The following NAA16 variants were observed in gnomAD, a reference collection of about 807,000 sequenced individuals.
NAA16 encodes the protein N-alpha-acetyltransferase 16, NatA auxiliary subunit, also known as NARG1-like protein.
Under a neutral mutation model 110.3 loss-of-function variants are expected in NAA16, and 97 were observed. The observed-to-expected ratio is 0.88, with a 90% CI of 0.75 to 1.04. The LOEUF is 1.04. Ranked by LOEUF, NAA16 falls within the 50% of genes least tolerant of loss-of-function variation. The probability of loss-of-function intolerance (pLI) is 0.00; values close to 1 mark genes in which losing one functional copy is unlikely to be tolerated. For missense variants in NAA16, 1,017 were observed against 1,005.1 expected (o/e 1.01, Z -0.16); for synonymous variants, 372 against 330.6 (o/e 1.13, Z -1.36).
Position 41,367,667 on chromosome 13 carries a change from A to G in NAA16, c.1753+15A>G, listed in dbSNP as rs1290291264. The G allele has an allele frequency of 6.5e-7, 1 of 1,547,956 alleles. No homozygotes were observed. The highest frequency in any genetic ancestry group is 1.2e-5 in the South Asian group (1 of 85,504). ...AATAAACTCAGGTAACTGAATAGGA[A>G]CTTAAAAGATTTTAAAAGGACACTA... On this transcript the variant is annotated intron_variant, in intron 14 of 19. Transcript: ENST00000379406.
chr13:41,353,121 A>AAACAG (rs2042883153), intron 9 of NAA16, among the ~76,000 whole-genome samples: 1 of 151,564 alleles, frequency 6.6e-6, no homozygotes, highest in Non-Finnish European at 1.5e-5. Flanking sequence ...TCTCAAAACA[A>AAACAG]AACAAAACAA....
chr13:41,319,863 AT>A (rs371132882), intron 3 of NAA16, among the ~76,000 whole-genome samples: 9,229 of 138,486 alleles, frequency 0.067, 311 homozygotes, highest in Non-Finnish European at 0.081. Flanking sequence ...ATTGATTTTC[AT>A]TTTTTTTTTT....
rs546395765 is a variant in NAA16, at chr13:41,311,323, G to A, written c.-206G>A. 3.5e-6 allele frequency: 2 copies of A among 569,356 alleles called. No individual in the cohort carries two copies. Among genetic ancestry groups the A allele is most frequent in the African/African-American group, 4.0e-5 (2 of 50,286 alleles). 35.3% of individuals were successfully genotyped at this position (569,356 alleles called of 1,614,324 possible). On this transcript the variant is annotated 5_prime_UTR_variant, in exon 1 of 20. Coordinates refer to ENST00000379406, the MANE Select transcript of NAA16 (RefSeq NM_024561.5). ...GGCCAAAAAGCGGAGCCCAGGGGAA[G>A]CGTGTCCTGCTCAGACCGCCTTCCT...
At chr13:41,331,420 ATG>A (rs769507806) in intron 8 of NAA16, 51 bp downstream of exon 8, 1 of 1,271,736 alleles carries the variant, frequency 7.9e-7, no homozygotes, top group South Asian at 1.4e-5. Flanking sequence ...GAATTACTCA[ATG>A]TTATTTATAT....
intron 9 of NAA16, among the ~76,000 whole-genome samples, chr13:41,346,825 C>G (rs1566275928): frequency 6.6e-6 from 1 of 152,096 alleles, no homozygotes; most frequent in Non-Finnish European, 1.5e-5. Flanking sequence ...TAGAAAGGTT[C>G]TTTAACATGT....
At chr13:41,342,893 G>C (rs1488442174) in intron 9 of NAA16, among the ~76,000 whole-genome samples, 1 of 152,108 alleles carries the variant, frequency 6.6e-6, no homozygotes, top group African/African-American at 2.4e-5. Context: ...TCTTCCATCA[G>C]TTTCCGTGTT....
intron 4 of NAA16, among the ~76,000 whole-genome samples, 172 bp from the exon 5 acceptor site, chr13:41,322,879 GGTATT>G (rs2041982507): frequency 6.6e-6 from 1 of 152,094 alleles, no homozygotes; most frequent in Non-Finnish European, 1.5e-5. Context: ...AGTATTACAG[GGTATT>G]GTAGAACTTT....
chr13:41,365,947 T>A (rs1002309071), intron 13 of NAA16, among the ~76,000 whole-genome samples: 1 of 152,242 alleles, frequency 6.6e-6, no homozygotes, highest in Admixed American at 6.5e-5. Context: ...TGATTATGTG[T>A]TCCAGGACTT....
At chr13:41,360,232 A>C (rs1376956949) in intron 12 of NAA16, among the ~76,000 whole-genome samples, 2 of 152,204 alleles carry the variant, frequency 1.3e-5, no homozygotes, top group African/African-American at 4.8e-5. Flanking sequence ...AAATGCTCCA[A>C]AACTTGAAAC....
In NAA16 at chr13:41,369,159, TAGA is replaced by T. The variant is rs747231507; in HGVS notation, c.1831_1833del (p.Glu611del). ...AGAAGAGCTCAGAAAAAGGCTAAACTAGAAGAAGAAAGAAAGCATGCAGAAAGA... is the reference window on the plus strand; with the variant it reads ...AGAAGAGCTCAGAAAAAGGCTAAACTAGAAGAAAGAAAGCATGCAGAAAGA... On this transcript the variant is annotated inframe_deletion, in exon 15 of 20. Transcript: ENST00000379406. The T allele has an allele frequency of 1.8e-5, 28 of 1,592,842 alleles. No individual in the cohort carries two copies. The highest frequency in any genetic ancestry group is 1.7e-4 in the Middle Eastern group (1 of 5,962).
intron 9 of NAA16, chr13:41,354,688 G>C (rs2042933670): frequency 6.6e-6 from 1 of 152,510 alleles, no homozygotes; most frequent in Non-Finnish European, 1.5e-5. Context: ...AGGTAGATAA[G>C]TAAATTGGTT....
chr13:41,355,249 T>C, intron 10 of NAA16, 33 bp downstream of exon 10: 1 of 1,294,626 alleles, frequency 7.7e-7, no homozygotes, highest in Non-Finnish European at 1.1e-6. Flanking sequence ...TGGAATTTGA[T>C]TACTCATTTC....
At chr13:41,331,419 A>C (rs2042235269) in intron 8 of NAA16, 50 bp downstream of exon 8, 1 of 1,278,816 alleles carries the variant, frequency 7.8e-7, no homozygotes. Context: ...AGAATTACTC[A>C]ATGTTATTTA....
chr13:41,320,720 A>G lies in NAA16; in HGVS notation c.298A>G (p.Ile100Val), dbSNP rs2041924043. 5.0e-6 allele frequency: 8 copies of G among 1,613,052 alleles called. No individual in the cohort carries two copies. Among genetic ancestry groups the G allele is most frequent in the Non-Finnish European group, 5.9e-6 (7 of 1,179,926 alleles). The change falls in exon 4 of 20, where the codon ATA becomes GTA. Residue 100 changes from isoleucine to valine, a missense_variant. Ile to Val is a conservative substitution (Grantham distance 29). Coordinates refer to ENST00000379406, the MANE Select transcript of NAA16 (RefSeq NM_024561.5). The stretch of plus-strand genomic sequence containing the variant: ...TTCTGATAAAAAATATGATGAAGCT[A>G]TAAAATGTTACCGAAATGCCCTCAA... ...QRSDKKYDEA[I>V]KCYRNALKLD...
At chr13:41,326,184 A>G (rs1032950157) in intron 6 of NAA16, among the ~76,000 whole-genome samples, 1 of 152,174 alleles carries the variant, frequency 6.6e-6, no homozygotes, top group Non-Finnish European at 1.5e-5. Context: ...ATATCCATAT[A>G]TAGTTAATTA....
Position 41,373,114 on chromosome 13 carries a change from C to T in NAA16, c.2155+284C>T, listed in dbSNP as rs142272785. 3.5e-5 allele frequency: 33 copies of T among 944,002 alleles called. No homozygotes were observed. In the African/African-American group the frequency reaches 3.5e-4, roughly 10 times the overall value. 58.5% of individuals were successfully genotyped at this position (944,002 alleles called of 1,614,324 possible). On this transcript the variant is annotated intron_variant, in intron 17 of 19. Transcript: ENST00000379406. ...ATAATAATTTACATAGTTAAATGAA[C>T]GTGTCTATAAAATAAACCTGTTAGC...
intron 9 of NAA16, among the ~76,000 whole-genome samples, chr13:41,347,963 G>A (rs910107101): frequency 1.3e-5 from 2 of 152,106 alleles, no homozygotes; most frequent in Non-Finnish European, 2.9e-5. Flanking sequence ...TACTGTGTTA[G>A]CTGTGGGTTT....
chr13:41,373,640 C>G lies in NAA16; in HGVS notation c.2159C>G (p.Ser720Cys), dbSNP rs747818225. The G allele has an allele frequency of 1.9e-6, 3 of 1,589,780 alleles. No homozygotes were observed. In the African/African-American group the frequency reaches 4.1e-5, roughly 22 times the overall value. Reference protein sequence around the residue: ...ECLIRFSKSVSNHSNLPDIVS... With the variant: ...ECLIRFSKSVCNHSNLPDIVS... ...CCAAATGTTTTTGTTTTTATAGTGT[C>G]TAATCATAGTAATCTTCCAGACATT... Residue 720 changes from serine (S) to cysteine (C), a missense_variant, in exon 18 of 20, where the codon TCT becomes TGT. Ser to Cys is a moderately radical substitution (Grantham distance 112). Coordinates refer to ENST00000379406, the MANE Select transcript of NAA16 (RefSeq NM_024561.5).
At chr13:41,354,353 T>C (rs1313040222) in intron 9 of NAA16, among the ~76,000 whole-genome samples, 1 of 152,216 alleles carries the variant, frequency 6.6e-6, no homozygotes, top group Admixed American at 6.5e-5. Context: ...TTAAATGGTA[T>C]GCGTGAAGAG....
Sources: gnomAD v4.1 joint callset for allele counts (sites outside exome capture counted in the v4.1 genomes callset) on GRCh38, gnomAD v4.1.1 for gene constraint, MANE v1.5 for transcripts, NCBI Gene and HGNC (gene_info 2026-07-23, HGNC 2026-07-21) for gene names.